Variants in ROR2 observed in about 807,000 individuals in gnomAD.
ROR2 encodes the protein ROR family WNT receptor 2, also known as tyrosine-protein kinase transmembrane receptor ROR2.
Under a neutral mutation model 74.9 loss-of-function variants are expected in ROR2, and 33 were observed. The observed-to-expected ratio is 0.44, with a 90% CI of 0.33 to 0.59. The LOEUF is 0.59. Ranked by LOEUF, ROR2 falls within the 20% of genes least tolerant of loss-of-function variation. The pLI, the probability that ROR2 is intolerant of heterozygous loss-of-function variation, is 0.02. For missense variants in ROR2, 1,216 were observed against 1,313.8 expected (o/e 0.93, Z 1.15); for synonymous variants, 586 against 558.7 (o/e 1.05, Z -0.69).
At chr9:91,846,978 C>T (rs1431647854) in intron 1 of ROR2, among the ~76,000 whole-genome samples, 2 of 152,140 alleles carry the variant, frequency 1.3e-5, no homozygotes, top group South Asian at 2.1e-4. Flanking sequence ...CCACAGGGTA[C>T]CGCATGGATT....
At chr9:91,888,340 C>T (rs1201060906) in intron 1 of ROR2, among the ~76,000 whole-genome samples, 1 of 152,130 alleles carries the variant, frequency 6.6e-6, no homozygotes, top group Non-Finnish European at 1.5e-5. Flanking sequence ...AAACAATGGA[C>T]TACAAACACC....
intron 1 of ROR2, among the ~76,000 whole-genome samples, chr9:91,906,619 C>A (rs540720996): frequency 6.6e-6 from 1 of 152,152 alleles, no homozygotes; most frequent in African/African-American, 2.4e-5. Flanking sequence ...TTTGTTCTTT[C>A]GTTGTTGTTA....
At chr9:91,861,346 T>G (rs1829462558) in intron 1 of ROR2, among the ~76,000 whole-genome samples, 2 of 152,272 alleles carry the variant, frequency 1.3e-5, no homozygotes, top group African/African-American at 4.8e-5. Context: ...TAAAAGGAAC[T>G]AAGTTGGAGG....
chr9:91,862,774 C>T (rs1029625146), intron 1 of ROR2, among the ~76,000 whole-genome samples: 1 of 152,220 alleles, frequency 6.6e-6, no homozygotes, highest in African/African-American at 2.4e-5. Context: ...ATCTTGGATT[C>T]CCAGCATCCA....
chr9:91,848,299 G>A (rs934079208), intron 1 of ROR2, among the ~76,000 whole-genome samples: 5 of 152,170 alleles, frequency 3.3e-5, no homozygotes, highest in Non-Finnish European at 5.9e-5. Flanking sequence ...AATTAAACCA[G>A]GGGAGCGGAG....
At position 91,820,432 on chromosome 9, in the gene ROR2, A is replaced by C. The variant is rs545307194; in HGVS notation, c.98-44614T>G. ...TCATCTGGGGTGTCCTGGGGAACTC[A>C]CAAAGAGCCAGGCAGTCACCTCCCC... On this transcript the variant is annotated intron_variant, in intron 1 of 8. Coordinates refer to ENST00000375708, the MANE Select transcript of ROR2 (RefSeq NM_004560.4). 7.2e-4 allele frequency among the ~76,000 whole-genome samples: 109 copies of C among 152,288 alleles called. 1 individual carries two copies. The highest frequency in any genetic ancestry group is 2.1e-3 in the African/African-American group (88 of 41,562).
chr9:91,945,128 A>G (rs1831981846), intron 1 of ROR2, among the ~76,000 whole-genome samples: 1 of 152,218 alleles, frequency 6.6e-6, no homozygotes. Flanking sequence ...TACCAATTCA[A>G]TGCAACCTCT....
At chr9:91,754,379 G>A (rs370352353) in intron 4 of ROR2, among the ~76,000 whole-genome samples, 34 of 151,822 alleles carry the variant, frequency 2.2e-4, no homozygotes, top group African/African-American at 3.9e-4. Flanking sequence ...AATATAGGCC[G>A]GGTGCAGTGG....
At chr9:91,747,602 T>C (rs139012825) in intron 4 of ROR2, among the ~76,000 whole-genome samples, 1 of 152,350 alleles carries the variant, frequency 6.6e-6, no homozygotes, top group Non-Finnish European at 1.5e-5. Flanking sequence ...GCATTTTCTA[T>C]AGAAGTGGCC....
Position 91,869,089 on chromosome 9 carries a change from G to A in ROR2, c.97+80778C>T, listed in dbSNP as rs529547407. On this transcript the variant is annotated intron_variant, in intron 1 of 8. Coordinates refer to ENST00000375708, the MANE Select transcript of ROR2 (RefSeq NM_004560.4). ...TTTTCCTTTTTAGAGACAGAGTCTC[G>A]CCCTATCACCCAGGCTGGAGTGCAG... 1.7e-3 allele frequency among the ~76,000 whole-genome samples: 260 copies of A among 151,820 alleles called. 2 individuals carry two copies. Among genetic ancestry groups the A allele is most frequent in the Non-Finnish European group, 2.6e-3 (178 of 67,960 alleles).
chr9:91,786,916 A>T (rs1325678083), intron 1 of ROR2, among the ~76,000 whole-genome samples: 1 of 151,910 alleles, frequency 6.6e-6, no homozygotes, highest in Non-Finnish European at 1.5e-5. Flanking sequence ...GCTCTGACAC[A>T]CTCCCGGGGA....
Position 91,786,890 on chromosome 9 carries a change from C to T in ROR2, c.98-11072G>A, listed in dbSNP as rs73651526. On this transcript the variant is annotated intron_variant, in intron 1 of 8. Coordinates refer to ENST00000375708, the MANE Select transcript of ROR2 (RefSeq NM_004560.4). The stretch of plus-strand genomic sequence containing the variant: ...ATGAAATCCTAAAGAATTAGAGGAG[C>T]TACGGAACTTCAAAAGCTCTGACAC... Among the ~76,000 whole-genome samples, 1,260 of 152,288 alleles carry T rather than the reference C, an allele frequency of 8.3e-3. 24 individuals are homozygous for T. The highest frequency in any genetic ancestry group is 0.028 in the African/African-American group (1,148 of 41,558).
intron 1 of ROR2, among the ~76,000 whole-genome samples, chr9:91,835,329 C>G (rs1166215446): frequency 1.3e-5 from 2 of 152,202 alleles, no homozygotes; most frequent in African/African-American, 4.8e-5. Flanking sequence ...ATTTCCGTGG[C>G]TTCTTTAAGG....
chr9:91,846,833 C>A (rs1828948779), intron 1 of ROR2, among the ~76,000 whole-genome samples: 1 of 152,162 alleles, frequency 6.6e-6, no homozygotes. Flanking sequence ...TTTTCAGGTA[C>A]CACTCCGTTG....
chr9:91,766,285 A>C (rs1826055989), intron 2 of ROR2, among the ~76,000 whole-genome samples: 1 of 152,184 alleles, frequency 6.6e-6, no homozygotes, highest in Non-Finnish European at 1.5e-5. Flanking sequence ...ACCTAGGAAA[A>C]TTGGGCTGTT....
intron 1 of ROR2, among the ~76,000 whole-genome samples, chr9:91,856,572 C>T (rs986426328): frequency 6.6e-5 from 10 of 152,234 alleles, no homozygotes; most frequent in South Asian, 2.1e-4. Context: ...CACAGAGGGA[C>T]GACCACGTGA....
intron 1 of ROR2, among the ~76,000 whole-genome samples, chr9:91,945,349 C>T (rs1831987519): frequency 6.6e-6 from 1 of 152,166 alleles, no homozygotes; most frequent in Non-Finnish European, 1.5e-5. Flanking sequence ...TTTAACTGCC[C>T]ATTGTGTTAA....
intron 2 of ROR2, among the ~76,000 whole-genome samples, chr9:91,774,242 G>A (rs975228406): frequency 2.0e-5 from 3 of 152,166 alleles, no homozygotes; most frequent in Admixed American, 6.5e-5. Flanking sequence ...AAGCCTCCAA[G>A]CACCAGGCAC....
At chr9:91,800,353 A>C (rs201599902) in intron 1 of ROR2, among the ~76,000 whole-genome samples, 5 of 141,672 alleles carry the variant, frequency 3.5e-5, no homozygotes, top group African/African-American at 1.5e-4. Context: ...AAAAAAAAAA[A>C]AAGAGAGAGA....
Sources: gnomAD v4.1 joint callset for allele counts (sites outside exome capture counted in the v4.1 genomes callset) on GRCh38, gnomAD v4.1.1 for gene constraint, MANE v1.5 for transcripts, NCBI Gene and HGNC (gene_info 2026-07-23, HGNC 2026-07-21) for gene names.